KSR2: variants seen among roughly 807,000 people sequenced by gnomAD.
The protein encoded by KSR2 is kinase suppressor of ras 2.
In KSR2, 25 loss-of-function variants were observed where a neutral mutation model predicts 107.8. The ratio of observed to expected loss-of-function variants is 0.23; its 90% CI spans 0.17 to 0.32. The LOEUF (loss-of-function observed/expected upper bound fraction) is 0.32, where lower values mean the gene tolerates loss of function less well. Ranked by LOEUF, KSR2 falls within the 10% of genes least tolerant of loss-of-function variation. The pLI is 1.00. For synonymous variants in KSR2, 480 were observed against 507.0 expected (o/e 0.95, Z 0.71); for missense variants, 887 against 1,268.9 (o/e 0.70, Z 4.57).
chr12:117,956,579 A>T (rs1441757828), intron 1 of KSR2, among the ~76,000 whole-genome samples: 1 of 152,084 alleles, frequency 6.6e-6, no homozygotes, highest in Non-Finnish European at 1.5e-5. Flanking sequence ...CTAAAAAATA[A>T]AAAACAGAAA....
intron 4 of KSR2, among the ~76,000 whole-genome samples, chr12:117,743,473 T>A (rs1321217552): frequency 1.3e-5 from 2 of 152,192 alleles, no homozygotes; most frequent in Admixed American, 6.5e-5. Context: ...GACTTGAGGT[T>A]TTCCAGAACA....
At chr12:117,793,060 A>G (rs1890325084) in intron 3 of KSR2, among the ~76,000 whole-genome samples, 1 of 148,788 alleles carries the variant, frequency 6.7e-6, no homozygotes, top group African/African-American at 2.5e-5. Flanking sequence ...CAACATGCAC[A>G]CACACCAACA....
intron 19 of KSR2, among the ~76,000 whole-genome samples, chr12:117,468,031 G>C (rs1460915359): frequency 6.6e-6 from 1 of 151,886 alleles, no homozygotes; most frequent in African/African-American, 2.4e-5. Flanking sequence ...TGAACTGCTA[G>C]GTCCTGCCTG....
chr12:117,469,504 T>C (rs577619436), intron 19 of KSR2, among the ~76,000 whole-genome samples, 158 bp downstream of exon 19: 2 of 151,970 alleles, frequency 1.3e-5, no homozygotes, highest in East Asian at 3.9e-4. Flanking sequence ...ACAGACTCCA[T>C]TGAACAGAAA....
chr12:117,897,087 C>T lies in KSR2; in HGVS notation c.181-36656G>A, dbSNP rs926208799. Among the ~76,000 whole-genome samples the T allele has an allele frequency of 1.3e-5, 2 of 152,154 alleles. No homozygotes were observed. The highest frequency in any genetic ancestry group is 2.9e-5 in the Non-Finnish European group (2 of 68,042). On this transcript the variant is annotated intron_variant, in intron 1 of 19. Coordinates refer to ENST00000339824, the MANE Select transcript of KSR2 (RefSeq NM_173598.6). This position sits in a 1 kb window ranked among gnomAD's most constrained non-coding sequence, Gnocchi z 4.5. The stretch of plus-strand genomic sequence containing the variant: ...TCTTCCTCTCTGCCCTGTTCCTCTT[C>T]GCCCAAGTCTACCGGGACTGATGTT...
intron 6 of KSR2, among the ~76,000 whole-genome samples, chr12:117,579,413 G>C (rs1466683713): frequency 6.6e-6 from 1 of 152,182 alleles, no homozygotes; most frequent in South Asian, 2.1e-4. Context: ...GACCTCATAG[G>C]TTGCTGGAGA....
chr12:117,587,802 C>T lies in KSR2; in HGVS notation c.1172-5443G>A, dbSNP rs116861000. ...GGGGTTGTTTTAAGGCAATGGGAGC[C>T]CCGATGTGCGTTAGAATGGAAGCAG... On this transcript the variant is annotated intron_variant, in intron 5 of 19. Transcript: ENST00000339824. 2.6e-4 allele frequency among the ~76,000 whole-genome samples: 39 copies of T among 152,226 alleles called. No individual in the cohort carries two copies. The East Asian group carries it at 7.6e-3, about 29-fold the overall frequency.
At chr12:117,935,619 G>A (rs931831537) in intron 1 of KSR2, among the ~76,000 whole-genome samples, 3 of 152,122 alleles carry the variant, frequency 2.0e-5, no homozygotes, top group African/African-American at 7.2e-5. Flanking sequence ...AAGTTAGCCG[G>A]TCGTAGTAGT....
At chr12:117,811,268 G>A (rs1218964908) in intron 3 of KSR2, among the ~76,000 whole-genome samples, 1 of 152,168 alleles carries the variant, frequency 6.6e-6, no homozygotes, top group African/African-American at 2.4e-5. Flanking sequence ...ACAATGGGAC[G>A]TGACTATACC....
intron 3 of KSR2, among the ~76,000 whole-genome samples, chr12:117,825,076 G>A (rs893723500): frequency 4.6e-5 from 7 of 152,108 alleles, no homozygotes; most frequent in African/African-American, 1.7e-4. Flanking sequence ...CAGCTACTCA[G>A]GAGACTGGAC....
intron 4 of KSR2, among the ~76,000 whole-genome samples, chr12:117,742,037 G>C (rs984465937): frequency 6.6e-6 from 1 of 152,184 alleles, no homozygotes; most frequent in Non-Finnish European, 1.5e-5. Flanking sequence ...TCATGGGTCA[G>C]ATCGACAGGT....
intron 5 of KSR2, among the ~76,000 whole-genome samples, chr12:117,611,440 G>GCACACACACACACACACA (rs1881587815): frequency 6.8e-5 from 1 of 14,644 alleles, no homozygotes; most frequent in African/African-American, 2.8e-4. Flanking sequence ...GCACATGCAC[G>GCACACACACACACACACA]CACAGACACA....
At position 117,813,177 on chromosome 12, in the gene KSR2, C is replaced by T. The variant is rs139292245; in HGVS notation, c.472+42251G>A. Among the ~76,000 whole-genome samples, 419 of 152,194 alleles carry T rather than the reference C, an allele frequency of 2.8e-3. 2 individuals carry two copies. Among genetic ancestry groups the T allele is most frequent in the Middle Eastern group, 3.4e-3 (1 of 294 alleles). The stretch of plus-strand genomic sequence containing the variant: ...TAAATGTAAGACTTTAAACTTAAAA[C>T]TACTAGAAGTAAACATAGGCAAAAG... On this transcript the variant is annotated intron_variant, in intron 3 of 19. Transcript: ENST00000339824.
At chr12:117,482,112 A>C (rs1030890073) in intron 16 of KSR2, among the ~76,000 whole-genome samples, 1 of 152,056 alleles carries the variant, frequency 6.6e-6, no homozygotes, top group Admixed American at 6.5e-5. Context: ...TTGCTACATA[A>C]GAAGTTTGAC....
In KSR2 at chr12:117,462,640, G is replaced by A. The variant is rs1385369466; in HGVS notation, c.*4559C>T. 2.0e-5 allele frequency: 3 copies of A among 152,274 alleles called. No homozygotes were observed. Among genetic ancestry groups the A allele is most frequent in the Non-Finnish European group, 4.4e-5 (3 of 68,088 alleles). 9.4% of individuals were successfully genotyped at this position (152,274 alleles called of 1,614,324 possible). A position where few individuals can be genotyped will look rare whatever the true frequency, so the allele number is the denominator to read the frequency against. ...ACATCTGTTGTTGTAGGCCCCAGTG[G>A]GTGGTGGTTTGCTGCAGCAGTCCTA... On this transcript the variant is annotated 3_prime_UTR_variant, in exon 20 of 20. Transcript: ENST00000339824.
At chr12:117,550,255 C>T (rs144278196) in intron 9 of KSR2, among the ~76,000 whole-genome samples, 1 of 152,110 alleles carries the variant, frequency 6.6e-6, no homozygotes, top group African/African-American at 2.4e-5. Context: ...AGCAGAAGCA[C>T]GAGGTTGTGC....
intron 18 of KSR2, among the ~76,000 whole-genome samples, chr12:117,470,193 TATCCATCCATCCATCC>T (rs60164511): frequency 1.4e-4 from 19 of 138,322 alleles, no homozygotes; most frequent in African/African-American, 5.1e-4. Flanking sequence ...CATCTTTCAT[TATCCATCCATCCATCC>T]ATCCATCCAT....
intron 4 of KSR2, among the ~76,000 whole-genome samples, chr12:117,745,411 T>C (rs1039665578): frequency 3.9e-5 from 6 of 152,162 alleles, no homozygotes; most frequent in South Asian, 2.1e-4. Context: ...AAATGACTTA[T>C]GGAGTAGGAG....
intron 3 of KSR2, among the ~76,000 whole-genome samples, chr12:117,808,911 G>C (rs1891099856): frequency 6.6e-6 from 1 of 152,134 alleles, no homozygotes; most frequent in South Asian, 2.1e-4. Flanking sequence ...AAGAACTCCT[G>C]TGCAATCTTA....
Sources: allele counts gnomAD v4.1 joint callset (sites outside exome capture counted in the v4.1 genomes callset), GRCh38; gene constraint gnomAD v4.1.1; non-coding constraint Gnocchi (gnomAD v3.1); transcripts MANE v1.5; gene names NCBI Gene and HGNC (gene_info 2026-07-23, HGNC 2026-07-21).